PKDCC: variants seen among roughly 807,000 people sequenced by gnomAD.
PKDCC encodes protein kinase domain containing, cytoplasmic.
Under a neutral mutation model 44.7 loss-of-function variants are expected in PKDCC, and 35 were observed. The observed-to-expected ratio is 0.78, with a 90% CI of 0.60 to 1.04. PKDCC has a LOEUF of 1.04. Ranked by LOEUF, PKDCC falls within the 50% of genes least tolerant of loss-of-function variation. PKDCC has a pLI of 0.00. For missense variants in PKDCC, 738 were observed against 672.7 expected (o/e 1.10, Z -1.07); for synonymous variants, 353 against 303.3 (o/e 1.16, Z -1.70).
Position 42,055,133 on chromosome 2 carries a change from C to T in PKDCC, c.1114+113C>T. 2 of 1,351,294 alleles carry T rather than the reference C, an allele frequency of 1.5e-6. No homozygotes were observed. The highest frequency in any genetic ancestry group is 2.1e-6 in the Non-Finnish European group (2 of 951,288). 83.7% of individuals were successfully genotyped at this position (1,351,294 alleles called of 1,614,324 possible). A position where few individuals can be genotyped will look rare whatever the true frequency, so the allele number is the denominator to read the frequency against. ...CAGGGGTTCTAGAAACCATCACTTC[C>T]TAAGGTGGCATTCTGCCGCAACCTC... is the stretch of plus-strand genomic sequence containing the variant. On this transcript the variant is annotated intron_variant, in intron 4 of 6. Transcript: ENST00000294964. The surrounding 1 kb of genome is among the most constrained non-coding windows in gnomAD (Gnocchi z 4.5).
At position 42,048,709 on chromosome 2, in the gene PKDCC, T is replaced by C. The variant is rs754767381; in HGVS notation, c.510T>C (p.Phe170=). 2.5e-5 allele frequency: 39 copies of C among 1,556,550 alleles called. No homozygotes were observed. Among genetic ancestry groups the C allele is most frequent in the Admixed American group, 1.6e-4 (8 of 51,594 alleles). The stretch of plus-strand genomic sequence containing the variant: ...CGGTGGCGCTCAAGGCGGTGGACTT[T>C]AGCGGCCACGATCTGGGCAGCTGCG... The part of the protein sequence containing the change: ...GAAVALKAVD[F]SGHDLGSCVR... Residue 170 remains phenylalanine (F), a synonymous_variant, in exon 1 of 7, where the codon TTT becomes TTC. Transcript: ENST00000294964. The surrounding 1 kb of genome is among the most constrained non-coding windows in gnomAD (Gnocchi z 6.2).
In PKDCC at chr2:42,055,320, C is replaced by T. The variant is rs1434477659; in HGVS notation, c.1149C>T (p.Ala383=). ...CCTGGGGGGTGGACGAGACCCTGGC[C>T]CAGCTGGAGAAGGTGCTGCACCTGT... ...ELAWGVDETL[A]QLEKVLHLYR... The change falls in exon 5 of 7, where the codon GCC becomes GCT. Residue 383 remains alanine, a synonymous_variant. Transcript: ENST00000294964. The surrounding 1 kb of genome is among the most constrained non-coding windows in gnomAD (Gnocchi z 4.5). 4 of 1,613,666 alleles carry T rather than the reference C, an allele frequency of 2.5e-6. No individual in the cohort carries two copies. Among genetic ancestry groups the T allele is most frequent in the Non-Finnish European group, 3.4e-6 (4 of 1,179,988 alleles).
At chr2:42,057,561 GA>G in intron 6 of PKDCC, 41 bp from the exon 7 acceptor site, 1 of 1,600,862 alleles carries the variant, frequency 6.2e-7, no homozygotes, top group South Asian at 1.1e-5. Context: ...CCTCCAGAAA[GA>G]GAAACATCCA....
Position 42,057,627 on chromosome 2 carries a change from C to A in PKDCC, c.1421C>A (p.Thr474Asn). The A allele has an allele frequency of 2.5e-6, 4 of 1,613,966 alleles. No homozygotes were observed. Among genetic ancestry groups the A allele is most frequent in the Non-Finnish European group, 3.4e-6 (4 of 1,180,002 alleles). The change falls in exon 7 of 7, where the codon ACT (threonine) becomes AAT (asparagine). Residue 474 changes from threonine to asparagine, a missense_variant. Coordinates refer to ENST00000294964, the MANE Select transcript of PKDCC (RefSeq NM_138370.3). ...WTGRQLVFFK[T>N]GWSQVVPDPN... is the part of the protein sequence containing the mutation. ...GGTCGGCAGCTGGTCTTTTTCAAGACTGGATGGAGCCAAGTGGTCCCTGAT... is the reference window on the plus strand; with the variant it reads ...GGTCGGCAGCTGGTCTTTTTCAAGAATGGATGGAGCCAAGTGGTCCCTGAT...
rs960752212 is a variant in PKDCC, at chr2:42,051,835, T to C, written c.640-1404T>C. 6.6e-6 allele frequency among the ~76,000 whole-genome samples: 1 copy of C among 152,070 alleles called. No individual in the cohort carries two copies. The highest frequency in any genetic ancestry group is 2.4e-5 in the African/African-American group (1 of 41,398). On this transcript the variant is annotated intron_variant, in intron 1 of 6. Coordinates refer to ENST00000294964, the MANE Select transcript of PKDCC (RefSeq NM_138370.3). This position sits in a 1 kb window ranked among gnomAD's most constrained non-coding sequence, Gnocchi z 4.2. Reference sequence around the variant, plus strand: ...ACTCCTAGGGCGGGAAGAGGACATGTGAGGACCTGGAGTGGCTCTGGGGAG... The same window carrying C: ...ACTCCTAGGGCGGGAAGAGGACATGCGAGGACCTGGAGTGGCTCTGGGGAG...
Position 42,057,256 on chromosome 2 carries a change from G to A in PKDCC, c.1258G>A (p.Glu420Lys), listed in dbSNP as rs752291440. Reference sequence around the variant, plus strand: ...TATCCCAGACAGCACCATCCCCCAGGAAGACTACCGCTGCTGGCCATCCTA... The same window carrying A: ...TATCCCAGACAGCACCATCCCCCAGAAAGACTACCGCTGCTGGCCATCCTA... ...QCIPDSTIPQ[E>K]DYRCWPSYHH... The change falls in exon 6 of 7, where the codon GAA becomes AAA. Residue 420 changes from glutamate to lysine, a missense_variant. By Grantham distance (56) the Glu-to-Lys change is moderately conservative. Transcript: ENST00000294964. 1 of 1,614,180 alleles carries A rather than the reference G, an allele frequency of 6.2e-7. No homozygotes were observed.
At position 42,054,074 on chromosome 2, in the gene PKDCC, C is replaced by T. The variant is rs774186538; in HGVS notation, c.801C>T (p.Ala267=). 2.5e-6 allele frequency: 4 copies of T among 1,612,224 alleles called. No homozygotes were observed. The highest frequency in any genetic ancestry group is 2.5e-6 in the Non-Finnish European group (3 of 1,179,878). Residue 267 remains alanine, a synonymous_variant, in exon 3 of 7, where the codon GCC becomes GCT. Coordinates refer to ENST00000294964, the MANE Select transcript of PKDCC (RefSeq NM_138370.3). The surrounding 1 kb of genome is among the most constrained non-coding windows in gnomAD (Gnocchi z 6.1). Reference sequence around the variant, plus strand: ...TGGGCCGCCTCCTCCACCACCTGGCCCACTCCCCACTGGGCTCCGTCACTC... The same window carrying T: ...TGGGCCGCCTCCTCCACCACCTGGCTCACTCCCCACTGGGCTCCGTCACTC... ...LSLGRLLHHL[A]HSPLGSVTLL...
chr2:42,055,393 G>A lies in PKDCC; in HGVS notation c.1222G>A (p.Glu408Lys), dbSNP rs200003897. ...LQNSTASSSTEYQCIPDSTIP... is the reference protein window; with the variant it reads ...LQNSTASSSTKYQCIPDSTIP... Reference sequence around the variant, plus strand: ...GAACTCCACGGCAAGCAGCAGTACCGGTGAGTGGCCCCAAGCTGATCCACA... The same window carrying A: ...GAACTCCACGGCAAGCAGCAGTACCAGTGAGTGGCCCCAAGCTGATCCACA... Residue 408 changes from glutamate to lysine, a missense_variant and splice_region_variant, in exon 5 of 7, where the codon GAG becomes AAG. Transcript: ENST00000294964. The surrounding 1 kb of genome is among the most constrained non-coding windows in gnomAD (Gnocchi z 4.5). 4.1e-5 allele frequency: 66 copies of A among 1,612,548 alleles called. No homozygotes were observed. Among genetic ancestry groups the A allele is most frequent in the Admixed American group, 3.0e-4 (18 of 59,894 alleles).
intron 5 of PKDCC, among the ~76,000 whole-genome samples, chr2:42,057,003 G>A (rs935660109): frequency 2.0e-5 from 3 of 152,116 alleles, no homozygotes; most frequent in Non-Finnish European, 4.4e-5. Flanking sequence ...TGGGAAATAT[G>A]TATCTCCTGA....
chr2:42,050,638 A>T (rs1386541645), intron 1 of PKDCC, among the ~76,000 whole-genome samples: 1 of 152,106 alleles, frequency 6.6e-6, no homozygotes, highest in Non-Finnish European at 1.5e-5. Flanking sequence ...CCCTTCCCTC[A>T]CCAAACCAAG....
chr2:42,054,266 C>A lies in PKDCC; in HGVS notation c.993C>A (p.Cys331Ter). 6.2e-7 allele frequency: 1 copy of A among 1,606,124 alleles called. No homozygotes were observed. Among genetic ancestry groups the A allele is most frequent in the Non-Finnish European group, 8.5e-7 (1 of 1,176,040 alleles). Reference sequence around the variant, plus strand: ...TGCCCTGCTCAGCCCAGGGCTGGTGCGAGGGCATGAACGAGAAGCGGAACC... The same window carrying A: ...TGCCCTGCTCAGCCCAGGGCTGGTGAGAGGGCATGAACGAGAAGCGGAACC... Reference protein sequence around the residue: ...FTLPCSAQGWCEGMNEKRNLY... With the variant: ...FTLPCSAQGW The change falls in exon 3 of 7, where the codon TGC becomes TGA. Residue 331 changes from cysteine (C) to a stop codon, truncating the protein, a stop_gained. Coordinates refer to ENST00000294964, the MANE Select transcript of PKDCC (RefSeq NM_138370.3). LOFTEE classifies it high-confidence loss of function. The surrounding 1 kb of genome is among the most constrained non-coding windows in gnomAD (Gnocchi z 6.1).
chr2:42,057,825 T>G lies in PKDCC; in HGVS notation c.*137T>G, dbSNP rs1668083834. 3 of 707,588 alleles carry G rather than the reference T, an allele frequency of 4.2e-6. No homozygotes were observed. The highest frequency in any genetic ancestry group is 5.2e-5 in the Admixed American group (2 of 38,660). The allele number at this position is 707,588 out of a possible 1,614,324, so 43.8% of individuals were successfully genotyped here. On this transcript the variant is annotated 3_prime_UTR_variant, in exon 7 of 7. Transcript: ENST00000294964. ...AAAGCTAACATCCCAGACAGACAGATGTGACCAGGACAAACGTGCAATAAT... is the reference window on the plus strand; with the variant it reads ...AAAGCTAACATCCCAGACAGACAGAGGTGACCAGGACAAACGTGCAATAAT...
chr2:42,049,488 G>C (rs144231614), intron 1 of PKDCC, among the ~76,000 whole-genome samples: 1 of 152,144 alleles, frequency 6.6e-6, no homozygotes, highest in Non-Finnish European at 1.5e-5. Context: ...AGGCCTTAAA[G>C]TGGGTCCTTG....
rs78572108 is a variant in PKDCC at position 42,052,926 on chromosome 2, G to A, written c.640-313G>A. Among the ~76,000 whole-genome samples, 19,118 of 152,106 alleles carry A rather than the reference G, an allele frequency of 0.13. 2,034 individuals are homozygous for A. The highest frequency in any genetic ancestry group is 0.42 in the East Asian group (2,183 of 5,154). Reference sequence around the variant, plus strand: ...TAATAGCACCTACTGTGCCCATTAGGGTTATTACAATAATTGAGTTATGCA... The same window carrying A: ...TAATAGCACCTACTGTGCCCATTAGAGTTATTACAATAATTGAGTTATGCA... On this transcript the variant is annotated intron_variant, in intron 1 of 6. Transcript: ENST00000294964. The surrounding 1 kb of genome is among the most constrained non-coding windows in gnomAD (Gnocchi z 4.3).
In PKDCC at chr2:42,054,063, C is replaced by T. The variant is rs1668013094; in HGVS notation, c.790C>T (p.His264Tyr). Residue 264 changes from histidine to tyrosine, a missense_variant, in exon 3 of 7, where the codon CAC (histidine) becomes TAC (tyrosine). His to Tyr is a moderately conservative substitution (Grantham distance 83, BLOSUM62 2). Coordinates refer to ENST00000294964, the MANE Select transcript of PKDCC (RefSeq NM_138370.3). The surrounding 1 kb of genome is among the most constrained non-coding windows in gnomAD (Gnocchi z 6.1). ...CTGCCTGAGCCTGGGCCGCCTCCTC[C>T]ACCACCTGGCCCACTCCCCACTGGG... is the stretch of plus-strand genomic sequence containing the variant. ...RICLSLGRLL[H>Y]HLAHSPLGSV... 3 of 1,611,956 alleles carry T rather than the reference C, an allele frequency of 1.9e-6. No individual in the cohort carries two copies. The highest frequency in any genetic ancestry group is 2.5e-6 in the Non-Finnish European group (3 of 1,179,790).
chr2:42,053,032 G>T lies in PKDCC; in HGVS notation c.640-207G>T, dbSNP rs183703813. On this transcript the variant is annotated intron_variant, in intron 1 of 6. Transcript: ENST00000294964. ...TGCCTATTTACCTGAGTCGGAAGGGGTGAGGGGCTGACATGGTCAGTAGGA... is the reference window on the plus strand; with the variant it reads ...TGCCTATTTACCTGAGTCGGAAGGGTTGAGGGGCTGACATGGTCAGTAGGA... 5.3e-5 allele frequency among the ~76,000 whole-genome samples: 8 copies of T among 152,368 alleles called. No individual in the cohort carries two copies. The East Asian group carries it at 1.5e-3, about 29-fold the overall frequency.
Position 42,048,740 on chromosome 2 carries a change from G to A in PKDCC, c.541G>A (p.Glu181Lys). ...CCACGATCTGGGCAGCTGCGTGCGCGAGTTCGGGGTACGGAGGGGCTGCTA... is the reference window on the plus strand; with the variant it reads ...CCACGATCTGGGCAGCTGCGTGCGCAAGTTCGGGGTACGGAGGGGCTGCTA... ...SGHDLGSCVR[E>K]FGVRRGCYRL... Residue 181 changes from glutamate (E) to lysine (K), a missense_variant, in exon 1 of 7, where the codon GAG (glutamate) becomes AAG (lysine). Physicochemically the swap from Glu to Lys is moderately conservative, Grantham distance 56. Coordinates refer to ENST00000294964, the MANE Select transcript of PKDCC (RefSeq NM_138370.3). The surrounding 1 kb of genome is among the most constrained non-coding windows in gnomAD (Gnocchi z 6.2). The A allele has an allele frequency of 1.3e-6, 2 of 1,577,036 alleles. No individual in the cohort carries two copies. The highest frequency in any genetic ancestry group is 1.7e-6 in the Non-Finnish European group (2 of 1,161,762).
chr2:42,057,167 G>C (rs551906303), intron 5 of PKDCC, 54 bp from the exon 6 acceptor site: 39 of 1,582,604 alleles, frequency 2.5e-5, no homozygotes, highest in Middle Eastern at 1.7e-4. Flanking sequence ...ACATCCTTGG[G>C]CACTCAAACC....
rs568759796 is a variant in PKDCC, at chr2:42,051,417, G to C, written c.640-1822G>C. Among the ~76,000 whole-genome samples the C allele has an allele frequency of 6.6e-6, 1 of 151,852 alleles. No homozygotes were observed. The highest frequency in any genetic ancestry group is 2.4e-5 in the African/African-American group (1 of 41,394). On this transcript the variant is annotated intron_variant, in intron 1 of 6. Transcript: ENST00000294964. This position sits in a 1 kb window ranked among gnomAD's most constrained non-coding sequence, Gnocchi z 4.2. Reference sequence around the variant, plus strand: ...CTGCCTGGGCCCAGATTCTGGCCCTGCTAGAGTATATTTCTTCTCCCAACC... The same window carrying C: ...CTGCCTGGGCCCAGATTCTGGCCCTCCTAGAGTATATTTCTTCTCCCAACC...
Sources: allele counts gnomAD v4.1 joint callset (sites outside exome capture counted in the v4.1 genomes callset), GRCh38; gene constraint gnomAD v4.1.1; non-coding constraint Gnocchi (gnomAD v3.1); transcripts MANE v1.5; gene names NCBI Gene and HGNC (gene_info 2026-07-23, HGNC 2026-07-21).